PDLIM1: variants seen among roughly 807,000 people sequenced by gnomAD.
The protein encoded by PDLIM1 is PDZ and LIM domain 1, also known as PDZ and LIM domain protein 1.
In PDLIM1, 25 loss-of-function variants were observed where a neutral mutation model predicts 35.2. The ratio of observed to expected loss-of-function variants is 0.71; its 90% CI spans 0.52 to 0.99. The LOEUF (loss-of-function observed/expected upper bound fraction) is 0.99, where lower values mean the gene tolerates loss of function less well. Among genes scored for constraint, PDLIM1 ranks in the 50% least tolerant of loss-of-function variants. PDLIM1 has a pLI of 0.00. For synonymous variants in PDLIM1, 152 were observed against 154.0 expected (o/e 0.99, Z 0.10); for missense variants, 363 against 415.3 (o/e 0.87, Z 1.09).
At chr10:95,259,331 T>C (rs1264805706) in intron 4 of PDLIM1, among the ~76,000 whole-genome samples, 3 of 152,164 alleles carry the variant, frequency 2.0e-5, no homozygotes, top group Admixed American at 1.3e-4. Flanking sequence ...GGAAATAATG[T>C]AGAGGAATAC....
chr10:95,270,242 A>C (rs1490116771), intron 2 of PDLIM1, among the ~76,000 whole-genome samples: 1 of 152,050 alleles, frequency 6.6e-6, no homozygotes, highest in African/African-American at 2.4e-5. Context: ...GTAATAACAC[A>C]GTGTACCTCT....
chr10:95,263,769 G>T lies in PDLIM1; in HGVS notation c.533+95C>A, dbSNP rs559617223. The T allele has an allele frequency of 1.2e-5, 10 of 823,630 alleles. No homozygotes were observed. In the South Asian group the frequency reaches 1.6e-4, roughly 13 times the overall value. 51.0% of individuals were successfully genotyped at this position (823,630 alleles called of 1,614,324 possible). A position where few individuals can be genotyped will look rare whatever the true frequency, so the allele number is the denominator to read the frequency against. ...GCTAATGTAGTCATTTTTCTCCCTG[G>T]AGTAGTGGCTCTTGCACCTGCCTGG... On this transcript the variant is annotated intron_variant, in intron 4 of 6. Coordinates refer to ENST00000329399, the MANE Select transcript of PDLIM1 (RefSeq NM_020992.4).
At chr10:95,276,261 C>A (rs563548982) in intron 1 of PDLIM1, among the ~76,000 whole-genome samples, 2 of 152,022 alleles carry the variant, frequency 1.3e-5, no homozygotes, top group Non-Finnish European at 2.9e-5. Flanking sequence ...TGCTTTAGCA[C>A]AATGCCACAA....
chr10:95,253,149 G>A, intron 4 of PDLIM1, among the ~76,000 whole-genome samples: 1 of 152,114 alleles, frequency 6.6e-6, no homozygotes, highest in East Asian at 1.9e-4. Context: ...GCCTTATCTA[G>A]AGGGGAAAAC....
chr10:95,271,164 C>T (rs1236236023), intron 2 of PDLIM1, among the ~76,000 whole-genome samples: 4 of 150,806 alleles, frequency 2.7e-5, no homozygotes, highest in South Asian at 2.2e-4. Flanking sequence ...GGGCTGGGCA[C>T]GGTGGCTCAC....
At chr10:95,243,996 G>A (rs1328831309) in intron 5 of PDLIM1, among the ~76,000 whole-genome samples, 1 of 152,112 alleles carries the variant, frequency 6.6e-6, no homozygotes, top group Non-Finnish European at 1.5e-5. Flanking sequence ...TTTCAGTTTT[G>A]CAAAATAAAA....
At position 95,264,077 on chromosome 10, in the gene PDLIM1, T is replaced by C. The variant is rs202183025; in HGVS notation, c.334-14A>G. On this transcript the variant is annotated splice_polypyrimidine_tract_variant and intron_variant, in intron 3 of 6. Transcript: ENST00000329399. The stretch of plus-strand genomic sequence containing the variant: ...GTGCAGGACCTCCTGCAGGCAGGGA[T>C]CAGAGGAGAAATCAAGGGGGGCATC... 115 of 1,610,638 alleles carry C rather than the reference T, an allele frequency of 7.1e-5. 2 individuals are homozygous for C. The South Asian group carries it at 1.2e-3, about 17-fold the overall frequency.
At chr10:95,278,616 CAA>C (rs534222559) in intron 1 of PDLIM1, among the ~76,000 whole-genome samples, 1 of 123,180 alleles carries the variant, frequency 8.1e-6, no homozygotes, top group Admixed American at 8.3e-5. Context: ...TGCCAAGTCT[CAA>C]AAAAAAAAAA....
At chr10:95,257,395 T>C (rs1272892766) in intron 4 of PDLIM1, among the ~76,000 whole-genome samples, 1 of 151,302 alleles carries the variant, frequency 6.6e-6, no homozygotes, top group Non-Finnish European at 1.5e-5. Flanking sequence ...ACTTATGAAA[T>C]AGAAAAAATA....
At chr10:95,258,326 A>C (rs1387689446) in intron 4 of PDLIM1, among the ~76,000 whole-genome samples, 4 of 152,058 alleles carry the variant, frequency 2.6e-5, no homozygotes, top group African/African-American at 4.8e-5. Flanking sequence ...AGAAGGCCCC[A>C]TCTCTACTAA....
chr10:95,282,677 T>C (rs554359376), intron 1 of PDLIM1, among the ~76,000 whole-genome samples: 24 of 152,340 alleles, frequency 1.6e-4, no homozygotes, highest in African/African-American at 5.5e-4. Context: ...TGGTGGCTCA[T>C]GCCGGTAATC....
chr10:95,281,335 T>C (rs1386132427), intron 1 of PDLIM1, among the ~76,000 whole-genome samples: 4 of 151,970 alleles, frequency 2.6e-5, no homozygotes, highest in Admixed American at 6.6e-5. Flanking sequence ...TCCCAGTACT[T>C]TGGGAGGCCA....
rs928736453 is a variant in PDLIM1 at position 95,275,816 on chromosome 10, G to A, written c.97-4032C>T. On this transcript the variant is annotated intron_variant, in intron 1 of 6. Coordinates refer to ENST00000329399, the MANE Select transcript of PDLIM1 (RefSeq NM_020992.4). ...GTATATCCCAACAGGTCCTGGACAA[G>A]CTAGAACCAGTCTTAGGCGCCCCAA... 2.6e-5 allele frequency among the ~76,000 whole-genome samples: 4 copies of A among 152,272 alleles called. No homozygotes were observed. In the East Asian group the frequency reaches 7.7e-4, roughly 29 times the overall value.
chr10:95,275,250 G>A (rs1029801381), intron 1 of PDLIM1, among the ~76,000 whole-genome samples: 3 of 152,122 alleles, frequency 2.0e-5, no homozygotes, highest in African/African-American at 7.2e-5. Flanking sequence ...CCTGCCTGCC[G>A]AACTATCTTT....
chr10:95,281,148 T>C (rs1055421539), intron 1 of PDLIM1, among the ~76,000 whole-genome samples: 7 of 152,080 alleles, frequency 4.6e-5, no homozygotes, highest in African/African-American at 1.4e-4. Context: ...AAAAAGTAAT[T>C]AGACCCTAAA....
At chr10:95,241,423 C>T (rs1354623371) in intron 5 of PDLIM1, among the ~76,000 whole-genome samples, 2 of 152,162 alleles carry the variant, frequency 1.3e-5, no homozygotes, top group East Asian at 3.8e-4. Flanking sequence ...CCTCTCTTGC[C>T]ATGCTTACCT....
chr10:95,282,179 T>C (rs1007121342), intron 1 of PDLIM1, among the ~76,000 whole-genome samples: 1 of 152,230 alleles, frequency 6.6e-6, no homozygotes, highest in Non-Finnish European at 1.5e-5. Context: ...TGTCAAGGTA[T>C]TTGGGTACAA....
chr10:95,243,782 G>C (rs927656787), intron 5 of PDLIM1, among the ~76,000 whole-genome samples: 1 of 152,084 alleles, frequency 6.6e-6, no homozygotes, highest in African/African-American at 2.4e-5. Flanking sequence ...CCTTAAAATG[G>C]AAAGAATTTC....
chr10:95,280,072 C>A lies in PDLIM1; in HGVS notation c.97-8288G>T, dbSNP rs1408460308. ...ATATTAGTCCTTTTTAGTAAATTTT[C>A]TTTTTAAAAAAACAAATTTTAGGCC... On this transcript the variant is annotated intron_variant, in intron 1 of 6. Transcript: ENST00000329399. Among the ~76,000 whole-genome samples the A allele has an allele frequency of 2.0e-5, 3 of 152,114 alleles. No individual in the cohort carries two copies. In the East Asian group the frequency reaches 5.8e-4, roughly 29 times the overall value.
Sources: allele counts gnomAD v4.1 joint callset (sites outside exome capture counted in the v4.1 genomes callset), GRCh38; gene constraint gnomAD v4.1.1; transcripts MANE v1.5; gene names NCBI Gene and HGNC (gene_info 2026-07-23, HGNC 2026-07-21).